KHDRBS2: variants seen among roughly 807,000 people sequenced by gnomAD.
The protein encoded by KHDRBS2 is KH domain-containing, RNA-binding, signal transduction-associated protein 2.
KHDRBS2 carries 26 observed loss-of-function variants against 44.3 expected under a neutral mutation model. The ratio of observed to expected loss-of-function variants is 0.59; its 90% CI spans 0.43 to 0.81. The LOEUF (loss-of-function observed/expected upper bound fraction) is 0.81. KHDRBS2 is among the 40% of genes least tolerant of loss of function. The probability of loss-of-function intolerance (pLI) is 0.00; values close to 1 mark genes in which losing one functional copy is unlikely to be tolerated. For synonymous variants in KHDRBS2, 194 were observed against 151.1 expected, an observed-to-expected ratio of 1.28 and a Z score of -2.08; for missense variants, 476 against 433.1, an observed-to-expected ratio of 1.10 and a Z score of -0.88.
chr6:61,688,034 C>T (rs1767004986), intron 8 of KHDRBS2, among the ~76,000 whole-genome samples: 1 of 151,608 alleles, frequency 6.6e-6, no homozygotes, highest in Non-Finnish European at 1.5e-5. Context: ...TCAATCTGTA[C>T]CATTTTATTT....
chr6:61,757,618 T>C (rs761793898), intron 6 of KHDRBS2, among the ~76,000 whole-genome samples: 14 of 152,200 alleles, frequency 9.2e-5, no homozygotes, highest in Middle Eastern at 3.2e-3. Flanking sequence ...TCTCGCTATT[T>C]GTTCCCAATT....
At chr6:61,915,506 G>A (rs1375306615) in intron 4 of KHDRBS2, among the ~76,000 whole-genome samples, 1 of 151,822 alleles carries the variant, frequency 6.6e-6, no homozygotes, top group Non-Finnish European at 1.5e-5. Flanking sequence ...TCCTATAGTA[G>A]AATCAAAATA....
chr6:62,207,120 T>C (rs928738738), intron 1 of KHDRBS2, among the ~76,000 whole-genome samples: 1 of 152,050 alleles, frequency 6.6e-6, no homozygotes. Flanking sequence ...TATCTGTGAG[T>C]TGCATTTTTC....
chr6:61,950,661 T>A (rs1764553830), intron 4 of KHDRBS2, among the ~76,000 whole-genome samples: 2 of 152,054 alleles, frequency 1.3e-5, no homozygotes, highest in Admixed American at 1.3e-4. Context: ...TTTACAAGAC[T>A]TACAATGCAT....
intron 2 of KHDRBS2, among the ~76,000 whole-genome samples, chr6:62,068,752 T>C (rs1175410470): frequency 6.6e-6 from 1 of 151,636 alleles, no homozygotes; most frequent in African/African-American, 2.4e-5. Context: ...TTGAAAACAC[T>C]ATTCTTTACC....
At chr6:61,755,559 C>T (rs975799293) in intron 6 of KHDRBS2, among the ~76,000 whole-genome samples, 6 of 151,918 alleles carry the variant, frequency 3.9e-5, no homozygotes, top group African/African-American at 1.5e-4. Flanking sequence ...TGTCTATAAT[C>T]CCAGCACTTT....
chr6:62,110,608 C>T (rs943014888), intron 2 of KHDRBS2, among the ~76,000 whole-genome samples: 1 of 151,962 alleles, frequency 6.6e-6, no homozygotes, highest in Non-Finnish European at 1.5e-5. Flanking sequence ...TCCTCTCTCC[C>T]AAAAAACCCA....
chr6:61,615,219 C>CCAA, the KHDRBS2 span, among the ~76,000 whole-genome samples: 500 of 100,988 alleles, frequency 5.0e-3, 4 homozygotes, highest in Non-Finnish European at 8.0e-3. Context: ...GGTGACAGAG[C>CCAA]AAGACTCCAT....
At chr6:61,753,041 ACT>A (rs1261412536) in intron 6 of KHDRBS2, among the ~76,000 whole-genome samples, 2 of 152,130 alleles carry the variant, frequency 1.3e-5, no homozygotes, top group Admixed American at 1.3e-4. Flanking sequence ...TTTATTCCTC[ACT>A]CTATTTGTAT....
chr6:62,173,982 CA>C (rs1256434146), intron 2 of KHDRBS2, among the ~76,000 whole-genome samples: 5 of 151,662 alleles, frequency 3.3e-5, no homozygotes, highest in Non-Finnish European at 7.4e-5. Context: ...TGGAAGCACT[CA>C]CCTTCAAAAC....
chr6:61,767,312 T>A (rs1303468532), intron 6 of KHDRBS2, among the ~76,000 whole-genome samples: 1 of 152,044 alleles, frequency 6.6e-6, no homozygotes, highest in African/African-American at 2.4e-5. Flanking sequence ...CATAGAATAC[T>A]TTTTTCTATC....
intron 2 of KHDRBS2, among the ~76,000 whole-genome samples, chr6:62,081,984 T>A (rs1797490785): frequency 1.3e-5 from 2 of 152,094 alleles, no homozygotes; most frequent in Non-Finnish European, 2.9e-5. Context: ...AGGAATTAAT[T>A]GCAATATTGA....
chr6:62,058,059 A>C (rs1022638321), intron 2 of KHDRBS2, among the ~76,000 whole-genome samples: 2 of 151,954 alleles, frequency 1.3e-5, no homozygotes, highest in Admixed American at 1.3e-4. Flanking sequence ...TCATTAATAC[A>C]TTAAAACATC....
At chr6:62,214,756 A>G (rs1585238284) in intron 1 of KHDRBS2, among the ~76,000 whole-genome samples, 1 of 151,938 alleles carries the variant, frequency 6.6e-6, no homozygotes, top group East Asian at 1.9e-4. Flanking sequence ...TACAGATTTT[A>G]CCCAGAGCAG....
chr6:61,831,252 A>C (rs1239832673), intron 6 of KHDRBS2, among the ~76,000 whole-genome samples: 1 of 152,118 alleles, frequency 6.6e-6, no homozygotes, highest in Non-Finnish European at 1.5e-5. Flanking sequence ...TTAATGTCTT[A>C]TTACATTATG....
intron 6 of KHDRBS2, among the ~76,000 whole-genome samples, chr6:61,753,450 G>A (rs1778042084): frequency 6.6e-6 from 1 of 152,172 alleles, no homozygotes; most frequent in Non-Finnish European, 1.5e-5. Flanking sequence ...ATTCTGGACA[G>A]ATAAAAGTAA....
intron 6 of KHDRBS2, among the ~76,000 whole-genome samples, chr6:61,782,943 T>C (rs564190017): frequency 2.0e-5 from 3 of 151,818 alleles, no homozygotes. Flanking sequence ...GAATATTCCA[T>C]GTCTTTTCTT....
intron 1 of KHDRBS2, among the ~76,000 whole-genome samples, chr6:62,209,094 GC>G (rs1168207653): frequency 1.3e-5 from 2 of 152,106 alleles, no homozygotes; most frequent in Non-Finnish European, 2.9e-5. Context: ...ATACTTCTTA[GC>G]CACATATCTG....
intron 2 of KHDRBS2, among the ~76,000 whole-genome samples, chr6:62,055,961 C>T (rs1790191325): frequency 6.6e-6 from 1 of 151,968 alleles, no homozygotes; most frequent in African/African-American, 2.4e-5. Flanking sequence ...AATCTTTCCT[C>T]AAACTTCCAG....
Sources: allele counts gnomAD v4.1 joint callset (sites outside exome capture counted in the v4.1 genomes callset), GRCh38; gene constraint gnomAD v4.1.1; transcripts MANE v1.5; gene names NCBI Gene and HGNC (gene_info 2026-07-23, HGNC 2026-07-21).